Variants in MDGA2 observed in about 807,000 individuals in gnomAD.
MDGA2 encodes the protein MAM domain containing glycosylphosphatidylinositol anchor 2.
Under a neutral mutation model 117.8 loss-of-function variants are expected in MDGA2, and 40 were observed. That is an observed-to-expected ratio of 0.34 (90% confidence interval 0.26 to 0.44). MDGA2 has a LOEUF of 0.44. Among genes scored for constraint, MDGA2 ranks in the 20% least tolerant of loss-of-function variants. The pLI, the probability that MDGA2 is intolerant of heterozygous loss-of-function variation, is 1.00. For missense variants in MDGA2, 1,123 were observed against 1,250.6 expected, an observed-to-expected ratio of 0.90 and a Z score of 1.54; for synonymous variants, 452 against 439.0, an observed-to-expected ratio of 1.03 and a Z score of -0.37.
intron 3 of MDGA2, among the ~76,000 whole-genome samples, chr14:47,185,519 T>C (rs1317249531): frequency 6.6e-6 from 1 of 151,534 alleles, no homozygotes; most frequent in Non-Finnish European, 1.5e-5. Context: ...AGTATCAAAA[T>C]TGACTCGAGA....
At chr14:46,928,492 G>A (rs1486158544) in intron 9 of MDGA2, among the ~76,000 whole-genome samples, 2 of 151,858 alleles carry the variant, frequency 1.3e-5, no homozygotes, top group Non-Finnish European at 2.9e-5. Context: ...TAATAACATT[G>A]AATCTCACTC....
At chr14:46,845,896 T>A (rs1330890090) in intron 15 of MDGA2, 25 bp from the exon 16 acceptor site, 13 of 1,527,328 alleles carry the variant, frequency 8.5e-6, no homozygotes, top group Non-Finnish European at 1.1e-5. Flanking sequence ...GAAACAAACC[T>A]AAATGTGGAG....
At chr14:47,089,057 A>C (rs906493237) in intron 6 of MDGA2, among the ~76,000 whole-genome samples, 3 of 152,218 alleles carry the variant, frequency 2.0e-5, no homozygotes, top group African/African-American at 7.2e-5. Flanking sequence ...AATGTTACTA[A>C]GAAAAATGTC....
intron 1 of MDGA2, among the ~76,000 whole-genome samples, chr14:47,645,874 C>T (rs932351792): frequency 4.0e-5 from 6 of 151,344 alleles, no homozygotes; most frequent in Admixed American, 3.9e-4. Context: ...AGATCGAGAC[C>T]ATCCTGGCTA....
At chr14:47,642,776 G>C (rs1897452947) in intron 1 of MDGA2, among the ~76,000 whole-genome samples, 2 of 151,920 alleles carry the variant, frequency 1.3e-5, no homozygotes, top group Non-Finnish European at 2.9e-5. Context: ...TGTAAATTTA[G>C]CCTCTAGAAG....
At chr14:46,980,525 C>G (rs1886631159) in intron 8 of MDGA2, among the ~76,000 whole-genome samples, 1 of 152,130 alleles carries the variant, frequency 6.6e-6, no homozygotes, top group Non-Finnish European at 1.5e-5. Flanking sequence ...AGAGGATTGA[C>G]TCCAATTTTG....
intron 8 of MDGA2, among the ~76,000 whole-genome samples, chr14:47,031,139 T>C (rs1339577365): frequency 1.3e-5 from 2 of 151,784 alleles, no homozygotes; most frequent in African/African-American, 4.8e-5. Context: ...AAACATAACA[T>C]TAGCTAAGAA....
chr14:47,249,099 C>A (rs1247926232), intron 2 of MDGA2, among the ~76,000 whole-genome samples: 2 of 151,472 alleles, frequency 1.3e-5, no homozygotes, highest in African/African-American at 4.9e-5. Context: ...CTCACTGCAA[C>A]CTCCGCCTCT....
At chr14:47,125,404 T>C (rs8005036) in intron 5 of MDGA2, among the ~76,000 whole-genome samples, 17,161 of 152,136 alleles carry the variant, frequency 0.11, 1,098 homozygotes, top group Admixed American at 0.12. Flanking sequence ...GATAACAGTA[T>C]ACCAAAGGTT....
chr14:47,226,056 G>A (rs1886484067), intron 2 of MDGA2, among the ~76,000 whole-genome samples: 2 of 151,758 alleles, frequency 1.3e-5, no homozygotes, highest in Non-Finnish European at 2.9e-5. Flanking sequence ...TGGGGAGGCC[G>A]AGGCAGAAGG....
chr14:47,214,297 C>A lies in MDGA2; in HGVS notation c.595+3724G>T, dbSNP rs547478359. Among the ~76,000 whole-genome samples, 5 of 152,088 alleles carry A rather than the reference C, an allele frequency of 3.3e-5. No individual in the cohort carries two copies. The East Asian group carries it at 9.7e-4, about 29-fold the overall frequency. ...GATCAGAAATATTTGCATAAATAAC[C>A]AAATCAGATTCGGGAAATTCAAGTC... On this transcript the variant is annotated intron_variant, in intron 3 of 16. Transcript: ENST00000399232.
At chr14:47,561,141 G>GTTTGTT (rs1555332241) in intron 1 of MDGA2, among the ~76,000 whole-genome samples, 3 of 52,156 alleles carry the variant, frequency 5.8e-5, no homozygotes, top group African/African-American at 5.5e-5. Flanking sequence ...CTCTATCTTT[G>GTTTGTT]TTTTTTTTTT....
At chr14:46,934,260 T>G (rs192717533) in intron 9 of MDGA2, among the ~76,000 whole-genome samples, 2 of 152,214 alleles carry the variant, frequency 1.3e-5, no homozygotes, top group African/African-American at 4.8e-5. Context: ...CATACCAGAA[T>G]TATGGTCCTG....
chr14:47,187,442 G>T (rs555797639), intron 3 of MDGA2, among the ~76,000 whole-genome samples: 2 of 151,944 alleles, frequency 1.3e-5, no homozygotes, highest in African/African-American at 4.8e-5. Context: ...TGCATTTTTA[G>T]CAAGTAACTT....
At chr14:47,568,420 G>A (rs1425517959) in intron 1 of MDGA2, among the ~76,000 whole-genome samples, 6 of 151,972 alleles carry the variant, frequency 3.9e-5, no homozygotes, top group Non-Finnish European at 5.9e-5. Context: ...CATGGACTAC[G>A]GATTAATAAC....
intron 1 of MDGA2, among the ~76,000 whole-genome samples, chr14:47,546,238 A>T (rs1895460613): frequency 6.6e-6 from 1 of 152,180 alleles, no homozygotes; most frequent in Admixed American, 6.5e-5. Context: ...AACAGGCATG[A>T]GAATCTAGTA....
intron 6 of MDGA2, among the ~76,000 whole-genome samples, chr14:47,066,723 G>GA (rs1890097199): frequency 1.3e-5 from 2 of 151,440 alleles, no homozygotes; most frequent in Non-Finnish European, 2.9e-5. Context: ...TTGATAATCT[G>GA]AAGATGGAAG....
chr14:47,652,821 C>G (rs1275536885), intron 1 of MDGA2, among the ~76,000 whole-genome samples: 1 of 152,024 alleles, frequency 6.6e-6, no homozygotes, highest in Non-Finnish European at 1.5e-5. Context: ...GGAAAGAAAA[C>G]ATATCACTTT....
intron 1 of MDGA2, among the ~76,000 whole-genome samples, chr14:47,457,821 T>TG (rs1555324098): frequency 0.01 from 1,534 of 151,620 alleles, 19 homozygotes; most frequent in African/African-American, 0.03. Context: ...TGTTTTTTTT[T>TG]TTTGTTTGTT....
Sources: allele counts gnomAD v4.1 joint callset (sites outside exome capture counted in the v4.1 genomes callset), GRCh38; gene constraint gnomAD v4.1.1; transcripts MANE v1.5; gene names NCBI Gene and HGNC (gene_info 2026-07-23, HGNC 2026-07-21).